The following NT5DC1 variants were observed in gnomAD, a reference collection of about 807,000 sequenced individuals.
NT5DC1 encodes 5'-nucleotidase domain-containing protein 1.
A neutral mutation model predicts 59.4 loss-of-function variants in NT5DC1; 42 were observed. The observed-to-expected ratio is 0.71, with a 90% CI of 0.55 to 0.92. The LOEUF (loss-of-function observed/expected upper bound fraction) is 0.92, where lower values mean the gene tolerates loss of function less well. NT5DC1 is among the 40% of genes least tolerant of loss of function. The pLI is 0.00. For synonymous variants in NT5DC1, 172 were observed against 188.1 expected, an observed-to-expected ratio of 0.91 and a Z score of 0.70; for missense variants, 501 against 537.1, an observed-to-expected ratio of 0.93 and a Z score of 0.66.
intron 4 of NT5DC1, among the ~76,000 whole-genome samples, chr6:116,112,483 C>T (rs1469469494): frequency 6.6e-6 from 1 of 152,046 alleles, no homozygotes; most frequent in Non-Finnish European, 1.5e-5. Flanking sequence ...GTCTTCAACT[C>T]CTGTCCTATT....
At chr6:116,139,345 A>G (rs899970634) in intron 6 of NT5DC1, among the ~76,000 whole-genome samples, 6 of 152,130 alleles carry the variant, frequency 3.9e-5, no homozygotes, top group African/African-American at 7.2e-5. Flanking sequence ...TAGAATTTGG[A>G]TAATACAATT....
intron 7 of NT5DC1, among the ~76,000 whole-genome samples, chr6:116,222,240 T>C (rs1781822279): frequency 6.6e-6 from 1 of 152,216 alleles, no homozygotes; most frequent in Admixed American, 6.5e-5. Context: ...GTGCCTCTCA[T>C]AGAGACATTT....
intron 6 of NT5DC1, among the ~76,000 whole-genome samples, chr6:116,130,553 G>T (rs2114328349): frequency 6.6e-6 from 1 of 152,188 alleles, no homozygotes; most frequent in Admixed American, 6.5e-5. Flanking sequence ...GTGGGAAATA[G>T]AAACCACAGT....
intron 6 of NT5DC1, among the ~76,000 whole-genome samples, chr6:116,154,407 T>C (rs1260487717): frequency 6.6e-6 from 1 of 152,110 alleles, no homozygotes; most frequent in Non-Finnish European, 1.5e-5. Flanking sequence ...TATTACTTGT[T>C]TTCTTACCTG....
chr6:116,133,537 AG>A (rs1779518731), intron 6 of NT5DC1, among the ~76,000 whole-genome samples: 1 of 152,204 alleles, frequency 6.6e-6, no homozygotes, highest in South Asian at 2.1e-4. Flanking sequence ...GAGTACCTGT[AG>A]GGTCTGTGTG....
intron 6 of NT5DC1, among the ~76,000 whole-genome samples, chr6:116,206,169 C>G (rs1333564768): frequency 1.3e-5 from 2 of 151,954 alleles, no homozygotes; most frequent in Non-Finnish European, 2.9e-5. Context: ...GCATTTTGGG[C>G]CCATGCAGGG....
At chr6:116,132,759 GTTC>G (rs1779502060) in intron 6 of NT5DC1, among the ~76,000 whole-genome samples, 1 of 152,086 alleles carries the variant, frequency 6.6e-6, no homozygotes, top group Non-Finnish European at 1.5e-5. Flanking sequence ...TGACTTTCCT[GTTC>G]TTCTAATCCT....
At chr6:116,186,989 A>G (rs1309858197) in intron 6 of NT5DC1, among the ~76,000 whole-genome samples, 1 of 152,014 alleles carries the variant, frequency 6.6e-6, no homozygotes. Flanking sequence ...TCATTTGGGT[A>G]AACTATGTCA....
In NT5DC1 at chr6:116,143,113, G is replaced by A. The variant is rs145546339; in HGVS notation, c.529+25168G>A. Among the ~76,000 whole-genome samples the A allele has an allele frequency of 6.7e-4, 102 of 152,246 alleles. 2 individuals are homozygous for A. In the East Asian group the frequency reaches 0.019, roughly 28 times the overall value. ...TAATATTTAGAAATAATATTAAAAT[G>A]CCTGATAAATTTGCCTCTGGCATAG... On this transcript the variant is annotated intron_variant, in intron 6 of 11. Coordinates refer to ENST00000319550, the MANE Select transcript of NT5DC1 (RefSeq NM_152729.3).
chr6:116,167,063 A>T (rs535236211), intron 6 of NT5DC1, among the ~76,000 whole-genome samples: 1 of 152,324 alleles, frequency 6.6e-6, no homozygotes, highest in African/African-American at 2.4e-5. Flanking sequence ...ATTAAATCAC[A>T]CTTAAAACTA....
intron 5 of NT5DC1, among the ~76,000 whole-genome samples, chr6:116,116,215 T>A (rs987888186): frequency 6.6e-6 from 1 of 152,192 alleles, no homozygotes; most frequent in Non-Finnish European, 1.5e-5. Context: ...GAATATAAAT[T>A]TTTTCTTTTG....
chr6:116,142,758 T>C (rs966437226), intron 6 of NT5DC1, among the ~76,000 whole-genome samples: 4 of 152,200 alleles, frequency 2.6e-5, no homozygotes, highest in Non-Finnish European at 4.4e-5. Flanking sequence ...TTTTCTTGTT[T>C]CTTTTTGTTT....
intron 1 of NT5DC1, 61 bp downstream of exon 1, chr6:116,101,084 T>C: frequency 1.5e-6 from 2 of 1,298,240 alleles, no homozygotes; most frequent in Admixed American, 2.0e-5. Flanking sequence ...GGGGCTTGAG[T>C]TTCCTCCAGG....
chr6:116,155,181 A>G (rs1180392955), intron 6 of NT5DC1, among the ~76,000 whole-genome samples: 1 of 152,220 alleles, frequency 6.6e-6, no homozygotes, highest in Non-Finnish European at 1.5e-5. Context: ...AGTTAAGGTT[A>G]CAAGTAGTTT....
chr6:116,210,653 A>G (rs935272177), intron 6 of NT5DC1, among the ~76,000 whole-genome samples: 18 of 152,018 alleles, frequency 1.2e-4, no homozygotes, highest in Non-Finnish European at 2.1e-4. Context: ...TGGCAAAAAT[A>G]AGCACTCAGA....
intron 6 of NT5DC1, among the ~76,000 whole-genome samples, chr6:116,129,039 T>C (rs1779397308): frequency 6.6e-6 from 1 of 152,170 alleles, no homozygotes. Flanking sequence ...CATTCACCAC[T>C]CCTTCAAATT....
At chr6:116,209,430 A>G (rs894938922) in intron 6 of NT5DC1, among the ~76,000 whole-genome samples, 1 of 152,048 alleles carries the variant, frequency 6.6e-6, no homozygotes, top group Admixed American at 6.6e-5. Context: ...GAGTATAAAC[A>G]TGAATGTTAA....
intron 6 of NT5DC1, among the ~76,000 whole-genome samples, chr6:116,199,997 A>ACG (rs1554199743): frequency 8.4e-6 from 1 of 119,600 alleles, no homozygotes; most frequent in African/African-American, 2.8e-5. Context: ...CAGTATGGAA[A>ACG]GTGGGGGGGG....
At chr6:116,219,466 G>A (rs1410451350) in intron 6 of NT5DC1, among the ~76,000 whole-genome samples, 4 of 152,108 alleles carry the variant, frequency 2.6e-5, no homozygotes, top group Non-Finnish European at 5.9e-5. Context: ...ATGACAGGAG[G>A]AGGGAATAAC....
Sources: allele counts gnomAD v4.1 joint callset (sites outside exome capture counted in the v4.1 genomes callset), GRCh38; gene constraint gnomAD v4.1.1; transcripts MANE v1.5; gene names NCBI Gene and HGNC (gene_info 2026-07-23, HGNC 2026-07-21).